The following KIFAP3 variants were observed in gnomAD, a reference collection of about 807,000 sequenced individuals.
The protein encoded by KIFAP3 is kinesin-associated protein 3.
KIFAP3 carries 68 observed loss-of-function variants against 106.5 expected under a neutral mutation model. That is an observed-to-expected ratio of 0.64 (90% CI 0.53 to 0.78). The LOEUF is 0.78. Among genes scored for constraint, KIFAP3 ranks in the 30% least tolerant of loss-of-function variants. KIFAP3 has a pLI of 0.00. For synonymous variants in KIFAP3, 320 were observed against 311.5 expected (o/e 1.03, Z -0.29); for missense variants, 780 against 941.8 (o/e 0.83, Z 2.25).
chr1:169,994,519 C>T (rs370809706), intron 10 of KIFAP3, among the ~76,000 whole-genome samples: 164 of 152,170 alleles, frequency 1.1e-3, no homozygotes, highest in African/African-American at 3.6e-3. Flanking sequence ...AATTCTATTT[C>T]CTACTGCTTA....
At chr1:170,013,853 G>T (rs1668372629) in intron 10 of KIFAP3, among the ~76,000 whole-genome samples, 2 of 152,132 alleles carry the variant, frequency 1.3e-5, no homozygotes, top group Admixed American at 1.3e-4. Context: ...ATATGAATTT[G>T]TCACTTCAAA....
intron 19 of KIFAP3, among the ~76,000 whole-genome samples, chr1:169,924,362 C>T (rs565832221): frequency 4.9e-4 from 74 of 152,146 alleles, no homozygotes; most frequent in African/African-American, 1.6e-3. Flanking sequence ...TTTAATTTTT[C>T]GAATTTCTAT....
At chr1:169,950,290 T>C (rs187285295) in intron 19 of KIFAP3, among the ~76,000 whole-genome samples, 20 of 152,294 alleles carry the variant, frequency 1.3e-4, no homozygotes, top group Admixed American at 3.9e-4. Flanking sequence ...AGTATGCCAC[T>C]TGGCACTGTC....
intron 1 of KIFAP3, 108 bp downstream of exon 1, chr1:170,074,328 C>G: frequency 7.7e-7 from 1 of 1,305,676 alleles, no homozygotes; most frequent in South Asian, 1.3e-5. Context: ...CCCTGCTTCC[C>G]ATCCCGTCTG....
At chr1:170,000,469 C>T (rs79145207) in intron 10 of KIFAP3, among the ~76,000 whole-genome samples, 28 of 152,144 alleles carry the variant, frequency 1.8e-4, no homozygotes, top group African/African-American at 4.1e-4. Context: ...ACATTTATTA[C>T]GGAGTGAGAG....
intron 17 of KIFAP3, among the ~76,000 whole-genome samples, chr1:169,964,973 A>C (rs1365094244): frequency 6.6e-6 from 1 of 152,190 alleles, no homozygotes; most frequent in Non-Finnish European, 1.5e-5. Context: ...TCACATAATC[A>C]TACAGTAGAA....
chr1:169,948,038 C>T (rs1179028186), intron 19 of KIFAP3, among the ~76,000 whole-genome samples: 1 of 151,264 alleles, frequency 6.6e-6, no homozygotes, highest in Non-Finnish European at 1.5e-5. Context: ...TATCAATTTT[C>T]TTTGACACAT....
intron 17 of KIFAP3, among the ~76,000 whole-genome samples, chr1:169,962,222 T>C (rs1283782906): frequency 6.6e-6 from 1 of 152,204 alleles, no homozygotes; most frequent in African/African-American, 2.4e-5. Flanking sequence ...TGCTTCTTGT[T>C]TTGATCATAA....
intron 15 of KIFAP3, among the ~76,000 whole-genome samples, chr1:169,980,846 A>T: frequency 6.6e-6 from 1 of 152,202 alleles, no homozygotes; most frequent in East Asian, 1.9e-4. Context: ...TCACGCCTGT[A>T]ATCTCAGCAC....
intron 19 of KIFAP3, among the ~76,000 whole-genome samples, chr1:169,930,715 A>G (rs1663414932): frequency 6.6e-6 from 1 of 152,158 alleles, no homozygotes; most frequent in African/African-American, 2.4e-5. Flanking sequence ...CCTTTACCAA[A>G]TAACTCGTAC....
intron 7 of KIFAP3, among the ~76,000 whole-genome samples, chr1:170,032,478 T>C (rs1309031939): frequency 6.6e-6 from 1 of 151,686 alleles, no homozygotes; most frequent in Non-Finnish European, 1.5e-5. Context: ...AGACTAGAGA[T>C]GCCAAGAAAG....
intron 19 of KIFAP3, among the ~76,000 whole-genome samples, chr1:169,950,686 ACTTCT>A (rs1664683934): frequency 6.6e-6 from 1 of 152,072 alleles, no homozygotes; most frequent in Non-Finnish European, 1.5e-5. Flanking sequence ...GAGTTCAACA[ACTTCT>A]CTTTAATTAA....
At chr1:170,036,549 T>C (rs1669701914) in intron 5 of KIFAP3, among the ~76,000 whole-genome samples, 1 of 152,020 alleles carries the variant, frequency 6.6e-6, no homozygotes, top group Non-Finnish European at 1.5e-5. Context: ...TATTTTGGAG[T>C]CACATAAATA....
chr1:170,038,508 A>G (rs1482185642), intron 4 of KIFAP3, 77 bp from the exon 5 acceptor site: 1 of 1,398,248 alleles, frequency 7.2e-7, no homozygotes, highest in African/African-American at 1.5e-5. Flanking sequence ...TTTTGTGATC[A>G]ATATACTGGC....
At chr1:169,928,511 A>T (rs1332581267) in intron 19 of KIFAP3, among the ~76,000 whole-genome samples, 2 of 151,830 alleles carry the variant, frequency 1.3e-5, no homozygotes, top group African/African-American at 4.8e-5. Flanking sequence ...GGAGTTCAAG[A>T]CATGGCAAAA....
At chr1:170,014,103 TTC>T (rs951884072) in intron 10 of KIFAP3, among the ~76,000 whole-genome samples, 1 of 152,058 alleles carries the variant, frequency 6.6e-6, no homozygotes, top group African/African-American at 2.4e-5. Flanking sequence ...TTTTCTTTAC[TTC>T]TTGTCTTGCC....
intron 2 of KIFAP3, among the ~76,000 whole-genome samples, chr1:170,047,643 A>C (rs1670331607): frequency 6.6e-6 from 1 of 151,050 alleles, no homozygotes; most frequent in African/African-American, 2.4e-5. Context: ...AAAAAAAAAA[A>C]AGTGAGATCC....
chr1:170,035,030 CTTCT>C (rs1669612193), intron 6 of KIFAP3, among the ~76,000 whole-genome samples: 1 of 151,874 alleles, frequency 6.6e-6, no homozygotes, highest in Admixed American at 6.6e-5. Flanking sequence ...TAATAAGTAT[CTTCT>C]TTCTTAAGGA....
chr1:170,016,354 A>AT lies in KIFAP3; in HGVS notation c.1183+107dup, dbSNP rs1190762661. 2.2e-5 allele frequency: 18 copies of AT among 818,916 alleles called. No individual in the cohort carries two copies. The African/African-American group carries it at 2.9e-4, about 13-fold the overall frequency. The allele number at this position is 818,916 out of a possible 1,614,324, so 50.7% of individuals were successfully genotyped here. Reference sequence around the variant, plus strand: ...TTATTATTTAGTTTCCAGTCAAAGAATATAGACAGAATGCTTTTTGTTCAG... The same window carrying AT: ...TTATTATTTAGTTTCCAGTCAAAGAATTATAGACAGAATGCTTTTTGTTCAG... On this transcript the variant is annotated intron_variant, in intron 10 of 19. Transcript: ENST00000361580.
Sources: allele counts gnomAD v4.1 joint callset (sites outside exome capture counted in the v4.1 genomes callset), GRCh38; gene constraint gnomAD v4.1.1; transcripts MANE v1.5; gene names NCBI Gene and HGNC (gene_info 2026-07-23, HGNC 2026-07-21).